The following SLC35F4 variants were observed in gnomAD, a reference collection of about 807,000 sequenced individuals.
SLC35F4 encodes the protein chromosome 14 open reading frame 36.
A neutral mutation model predicts 44.2 loss-of-function variants in SLC35F4; 24 were observed. The ratio of observed to expected loss-of-function variants is 0.54; its 90% CI spans 0.39 to 0.76. The LOEUF (loss-of-function observed/expected upper bound fraction) is 0.76. Among genes scored for constraint, SLC35F4 ranks in the 30% least tolerant of loss-of-function variants. The pLI is 0.00. For synonymous variants in SLC35F4, 238 were observed against 223.6 expected (o/e 1.06, Z -0.57); for missense variants, 562 against 586.1 (o/e 0.96, Z 0.42).
chr14:57,790,031 C>A (rs577699733), intron 1 of SLC35F4, among the ~76,000 whole-genome samples: 1 of 152,302 alleles, frequency 6.6e-6, no homozygotes, highest in African/African-American at 2.4e-5. Context: ...AACCCACAGC[C>A]AATATCATAC....
chr14:57,680,600 G>T (rs1351820726), intron 1 of SLC35F4, among the ~76,000 whole-genome samples: 1 of 152,104 alleles, frequency 6.6e-6, no homozygotes, highest in Non-Finnish European at 1.5e-5. Flanking sequence ...CAGATGACAT[G>T]ACTGTATATT....
chr14:57,795,464 A>T (rs1186822086), intron 1 of SLC35F4, among the ~76,000 whole-genome samples: 3 of 152,212 alleles, frequency 2.0e-5, no homozygotes, highest in Non-Finnish European at 4.4e-5. Flanking sequence ...TATCGAAGTC[A>T]TCAGAATTTC....
At chr14:57,973,027 A>G (rs1881099563), downstream of SLC35F4, among the ~76,000 whole-genome samples, 2 of 152,198 alleles carry the variant, frequency 1.3e-5, no homozygotes, top group South Asian at 4.1e-4. Context: ...ACTAATATTA[A>G]AGTCATTCTT....
intron 1 of SLC35F4, among the ~76,000 whole-genome samples, chr14:57,712,067 C>G (rs2075830101): frequency 6.6e-6 from 1 of 152,182 alleles, no homozygotes; most frequent in Non-Finnish European, 1.5e-5. Flanking sequence ...GGATTATTGT[C>G]AATTGTCTCT....
At chr14:57,568,488 A>G (rs1010425483) in intron 6 of SLC35F4, among the ~76,000 whole-genome samples, 2 of 152,168 alleles carry the variant, frequency 1.3e-5, no homozygotes, top group East Asian at 3.9e-4. Flanking sequence ...AAATATCACT[A>G]TTGATTTCTA....
intron 1 of SLC35F4, among the ~76,000 whole-genome samples, chr14:57,730,260 G>A (rs1348281221): frequency 6.6e-6 from 1 of 152,086 alleles, no homozygotes; most frequent in Non-Finnish European, 1.5e-5. Flanking sequence ...TTCCCGCAGG[G>A]GACAGGAAGT....
At chr14:57,912,720 C>A (rs1170864687) in intron 1 of SLC35F4, among the ~76,000 whole-genome samples, 3 of 151,940 alleles carry the variant, frequency 2.0e-5, no homozygotes, top group African/African-American at 7.2e-5. Flanking sequence ...TCCATGTGAG[C>A]TTTAGAATAA....
At chr14:57,920,229 T>G (rs2141057295) in intron 1 of SLC35F4, among the ~76,000 whole-genome samples, 1 of 152,206 alleles carries the variant, frequency 6.6e-6, no homozygotes, top group East Asian at 1.9e-4. Context: ...TGGTTATAAA[T>G]TCTTCTGACT....
chr14:57,608,794 G>A (rs1321717686), intron 1 of SLC35F4, among the ~76,000 whole-genome samples: 30 of 20,950 alleles, frequency 1.4e-3, no homozygotes, highest in Admixed American at 4.5e-3. Context: ...GGCCGGGGGG[G>A]GGCGGCGGGG....
chr14:57,736,221 G>A (rs1210986383), intron 1 of SLC35F4, among the ~76,000 whole-genome samples: 3 of 152,104 alleles, frequency 2.0e-5, no homozygotes, highest in African/African-American at 7.2e-5. Context: ...TCTAAGAGTC[G>A]AAATCTAAGC....
At chr14:57,691,970 T>G (rs2075246592) in intron 1 of SLC35F4, among the ~76,000 whole-genome samples, 1 of 152,154 alleles carries the variant, frequency 6.6e-6, no homozygotes, top group Non-Finnish European at 1.5e-5. Flanking sequence ...CGATAGTGTG[T>G]GTCCAGGAAG....
chr14:57,723,427 G>A (rs1221501340), intron 1 of SLC35F4, among the ~76,000 whole-genome samples: 1 of 152,124 alleles, frequency 6.6e-6, no homozygotes, highest in Non-Finnish European at 1.5e-5. Context: ...AAGATGCAGG[G>A]GTGGTGATTT....
At chr14:57,870,890 T>G (rs575032765), upstream of SLC35F4, among the ~76,000 whole-genome samples, 1 of 152,360 alleles carries the variant, frequency 6.6e-6, no homozygotes, top group African/African-American at 2.4e-5. Context: ...GCAGACCTTG[T>G]GTGCCAATGG....
chr14:57,699,271 C>T (rs1031236624), intron 1 of SLC35F4, among the ~76,000 whole-genome samples: 20 of 152,094 alleles, frequency 1.3e-4, no homozygotes, highest in Admixed American at 1.3e-3. Flanking sequence ...GATTTGGGGA[C>T]AATATCTTTC....
intron 6 of SLC35F4, 30 bp downstream of exon 6, chr14:57,569,758 G>T: frequency 6.5e-7 from 1 of 1,550,326 alleles, no homozygotes; most frequent in Non-Finnish European, 8.7e-7. Flanking sequence ...TTGATATAGG[G>T]AATGGAAGGC....
chr14:57,582,449 A>C (rs2069354498), intron 3 of SLC35F4, among the ~76,000 whole-genome samples: 1 of 152,064 alleles, frequency 6.6e-6, no homozygotes, highest in Admixed American at 6.6e-5. Flanking sequence ...TGATCTGCTC[A>C]CCTTGGCCTC....
At chr14:57,763,868 T>C (rs2077179235) in intron 1 of SLC35F4, among the ~76,000 whole-genome samples, 1 of 152,164 alleles carries the variant, frequency 6.6e-6, no homozygotes, top group South Asian at 2.1e-4. Context: ...AAGTGTTATC[T>C]AATTAACCTA....
intron 1 of SLC35F4, among the ~76,000 whole-genome samples, chr14:57,618,729 G>T (rs998097351): frequency 6.6e-6 from 1 of 152,238 alleles, no homozygotes; most frequent in Admixed American, 6.5e-5. Context: ...AAGCCAGGGA[G>T]CAAAGTGGTC....
intron 1 of SLC35F4, among the ~76,000 whole-genome samples, chr14:57,835,971 A>C (rs1884877218): frequency 6.6e-6 from 1 of 152,244 alleles, no homozygotes; most frequent in South Asian, 2.1e-4. Flanking sequence ...AAACATTCCA[A>C]GAAACAGAAC....
Sources: gnomAD v4.1 joint callset for allele counts (sites outside exome capture counted in the v4.1 genomes callset) on GRCh38, gnomAD v4.1.1 for gene constraint, MANE v1.5 for transcripts, NCBI Gene and HGNC (gene_info 2026-07-23, HGNC 2026-07-21) for gene names.